ATP6V0A2: variants seen among roughly 807,000 people sequenced by gnomAD.
ATP6V0A2 encodes V-type proton ATPase 116 kDa subunit a 2.
A neutral mutation model predicts 104.4 loss-of-function variants in ATP6V0A2; 58 were observed. The observed-to-expected ratio is 0.56, with a 90% CI of 0.45 to 0.69. The LOEUF (loss-of-function observed/expected upper bound fraction) is 0.69. Among genes scored for constraint, ATP6V0A2 ranks in the 30% least tolerant of loss-of-function variants. The pLI is 0.00. For missense variants in ATP6V0A2, 938 were observed against 1,062.9 expected, an observed-to-expected ratio of 0.88 and a Z score of 1.63; for synonymous variants, 376 against 397.9, an observed-to-expected ratio of 0.95 and a Z score of 0.65.
chr12:123,713,676 T>C (rs962472890), intron 1 of ATP6V0A2, among the ~76,000 whole-genome samples: 7 of 152,094 alleles, frequency 4.6e-5, no homozygotes, highest in Non-Finnish European at 1.0e-4. Context: ...TTATGAGCTG[T>C]GATAAGTGCT....
chr12:123,722,563 T>G (rs1278736373), intron 3 of ATP6V0A2, 115 bp downstream of exon 3: 3 of 730,552 alleles, frequency 4.1e-6, no homozygotes, highest in Non-Finnish European at 5.0e-6. Context: ...TGGAAGATGG[T>G]GATCTCTCTA....
intron 17 of ATP6V0A2, among the ~76,000 whole-genome samples, chr12:123,752,979 AC>A (rs1486707664): frequency 6.6e-6 from 1 of 152,142 alleles, no homozygotes; most frequent in Admixed American, 6.5e-5. Flanking sequence ...AAGCGCCCTT[AC>A]CAGCTTGTTA....
In ATP6V0A2 at chr12:123,712,510, C is replaced by A; in HGVS notation, c.-56C>A. 7.5e-7 allele frequency: 1 copy of A among 1,336,516 alleles called. No homozygotes were observed. Among genetic ancestry groups the A allele is most frequent in the East Asian group, 2.7e-5 (1 of 37,082 alleles). 82.8% of individuals were successfully genotyped at this position (1,336,516 alleles called of 1,614,324 possible). On this transcript the variant is annotated 5_prime_UTR_variant, in exon 1 of 20. Transcript: ENST00000330342. ...CGCACCGGCTGAGTGTGCGGGCCCG[C>A]GCGGCTCGGAGCCGCCGCCGCCCAT...
chr12:123,757,981 C>T lies in ATP6V0A2; in HGVS notation c.2520C>T (p.Phe840=). ...YVGAGTKFVP[F]SFSLLSSKFN... is the part of the protein sequence containing the mutation. Reference sequence around the variant, plus strand: ...GTGCAGGCACCAAATTTGTTCCTTTCTCATTCAGTCTACTTTCATCAAAGT... The same window carrying T: ...GTGCAGGCACCAAATTTGTTCCTTTTTCATTCAGTCTACTTTCATCAAAGT... Residue 840 remains phenylalanine (F), a synonymous_variant, in exon 20 of 20, where the codon TTC becomes TTT. Coordinates refer to ENST00000330342, the MANE Select transcript of ATP6V0A2 (RefSeq NM_012463.4). The T allele has an allele frequency of 6.2e-7, 1 of 1,611,112 alleles. No individual in the cohort carries two copies. The highest frequency in any genetic ancestry group is 1.1e-5 in the South Asian group (1 of 90,870).
chr12:123,725,852 C>G (rs769607140), intron 4 of ATP6V0A2, among the ~76,000 whole-genome samples: 1 of 151,690 alleles, frequency 6.6e-6, no homozygotes, highest in African/African-American at 2.4e-5. Context: ...GTAGTAGCAC[C>G]TTATGGAGCT....
rs893484739 is a variant in ATP6V0A2 at position 123,756,858 on chromosome 12, C to T, written c.2337C>T (p.Leu779=). 6.2e-7 allele frequency: 1 copy of T among 1,614,208 alleles called. No individual in the cohort carries two copies. Among genetic ancestry groups the T allele is most frequent in the Non-Finnish European group, 8.5e-7 (1 of 1,180,050 alleles). ...GGGCCATGCTGATGCGCGTGGGCCT[C>T]CGCGTTGACACCACCTATGGCGTCT... ...VLWAMLMRVG[L]RVDTTYGVLL... is the part of the protein sequence containing the mutation. The change falls in exon 19 of 20, where the codon CTC becomes CTT. Residue 779 remains leucine, a synonymous_variant. Transcript: ENST00000330342.
chr12:123,757,948 C>A lies in ATP6V0A2; in HGVS notation c.2487C>A (p.Phe829Leu). The change falls in exon 20 of 20, where the codon TTC (phenylalanine) becomes TTA (leucine). Residue 829 changes from phenylalanine (F) to leucine (L), a missense_variant. Transcript: ENST00000330342. ...RLHWVEFQNK[F>L]YVGAGTKFVP... ...TTAGGGTAGAATTTCAGAACAAATT[C>A]TACGTTGGTGCAGGCACCAAATTTG... 1 of 1,592,822 alleles carries A rather than the reference C, an allele frequency of 6.3e-7. No individual in the cohort carries two copies. The highest frequency in any genetic ancestry group is 8.5e-7 in the Non-Finnish European group (1 of 1,170,884).
At chr12:123,741,872 A>G in intron 9 of ATP6V0A2, among the ~76,000 whole-genome samples, 1 of 152,220 alleles carries the variant, frequency 6.6e-6, no homozygotes, top group South Asian at 2.1e-4. Context: ...AGAAGATGGC[A>G]GGTTCAGGAT....
chr12:123,740,022 G>A (rs777696297), intron 9 of ATP6V0A2, among the ~76,000 whole-genome samples: 6 of 152,060 alleles, frequency 3.9e-5, no homozygotes, highest in African/African-American at 1.4e-4. Context: ...AAAGTCAGCC[G>A]GATGTGGTGA....
chr12:123,718,756 C>A (rs149587444), intron 2 of ATP6V0A2, 55 bp downstream of exon 2: 3 of 1,284,292 alleles, frequency 2.3e-6, no homozygotes, highest in Admixed American at 3.7e-5. Context: ...ATAGGCAAAC[C>A]TTGTTCGGTT....
chr12:123,722,472 G>A (rs754634866), intron 3 of ATP6V0A2, 24 bp downstream of exon 3: 2 of 1,419,320 alleles, frequency 1.4e-6, no homozygotes, highest in Non-Finnish European at 1.0e-6. Context: ...GACGAAGCTG[G>A]TTGCAGCCAT....
In ATP6V0A2 at chr12:123,748,722, G is replaced by C. The variant is rs73420342; in HGVS notation, c.1872G>C (p.Leu624=). The part of the protein sequence containing the change: ...AETSRVAPSI[L]IEFINMFLFP... ...CCTCCAGAGTTGCTCCCAGCATTCT[G>C]ATTGAATTTATTAACATGTTTTTAT... The change falls in exon 15 of 20, where the codon CTG becomes CTC. Residue 624 remains leucine (L), a synonymous_variant. Transcript: ENST00000330342. 6.2e-7 allele frequency: 1 copy of C among 1,614,040 alleles called. No homozygotes were observed. Among genetic ancestry groups the C allele is most frequent in the African/African-American group, 1.3e-5 (1 of 74,904 alleles).
Position 123,718,754 on chromosome 12 carries a change from A to T in ATP6V0A2, c.196+53A>T, listed in dbSNP as rs1054424472. On this transcript the variant is annotated intron_variant, in intron 2 of 19. Transcript: ENST00000330342. ...TAAATAATTACCTTTATATAGGCAA[A>T]CCTTGTTCGGTTTAAAAATATTGGA... The T allele has an allele frequency of 6.1e-6, 8 of 1,301,092 alleles. No individual in the cohort carries two copies. The African/African-American group carries it at 1.2e-4, about 19-fold the overall frequency. 80.6% of individuals were successfully genotyped at this position (1,301,092 alleles called of 1,614,324 possible).
In ATP6V0A2 at chr12:123,713,758, C is replaced by T. The variant is rs894080151; in HGVS notation, c.117+1076C>T. On this transcript the variant is annotated intron_variant, in intron 1 of 19. Transcript: ENST00000330342. ...CTTACTGACTGAATTGAAATCCACT[C>T]AGGCGAACATTTTATTTCCTGGCCA... Among the ~76,000 whole-genome samples, 3 of 152,174 alleles carry T rather than the reference C, an allele frequency of 2.0e-5. No individual in the cohort carries two copies. In the East Asian group the frequency reaches 5.8e-4, roughly 29 times the overall value.
At chr12:123,757,033 CG>C (rs1372113560) in intron 19 of ATP6V0A2, 47 bp downstream of exon 19, 2 of 1,601,140 alleles carry the variant, frequency 1.2e-6, no homozygotes, top group Admixed American at 1.7e-5. Flanking sequence ...AAAACATACC[CG>C]CCCCCCCACT....
intron 1 of ATP6V0A2, among the ~76,000 whole-genome samples, chr12:123,713,178 G>C (rs919930381): frequency 6.6e-6 from 1 of 152,068 alleles, no homozygotes; most frequent in Non-Finnish European, 1.5e-5. Context: ...AAATAGAAAG[G>C]AGCCAGCCGT....
At chr12:123,756,756 A>G in intron 18 of ATP6V0A2, 59 bp from the exon 19 acceptor site, 1 of 1,594,676 alleles carries the variant, frequency 6.3e-7, no homozygotes, top group Non-Finnish European at 8.6e-7. Flanking sequence ...CAGGTAGCTC[A>G]CAGAGGGACC....
intron 9 of ATP6V0A2, among the ~76,000 whole-genome samples, chr12:123,742,019 T>A (rs566206511): frequency 6.6e-6 from 1 of 152,360 alleles, no homozygotes; most frequent in East Asian, 1.9e-4. Context: ...TTCGTTCCTG[T>A]CCTGCTCAGT....
intron 9 of ATP6V0A2, among the ~76,000 whole-genome samples, chr12:123,743,152 G>A (rs936888814): frequency 5.9e-5 from 9 of 152,006 alleles, no homozygotes; most frequent in Non-Finnish European, 1.3e-4. Flanking sequence ...CCATACCCAC[G>A]TGCCCCGCAT....
Sources: gnomAD v4.1 joint callset for allele counts (sites outside exome capture counted in the v4.1 genomes callset) on GRCh38, gnomAD v4.1.1 for gene constraint, MANE v1.5 for transcripts, NCBI Gene and HGNC (gene_info 2026-07-23, HGNC 2026-07-21) for gene names.